Variants in TCF25 observed in about 807,000 individuals in gnomAD.
TCF25 encodes ribosome quality control complex subunit TCF25.
Under a neutral mutation model 83.1 loss-of-function variants are expected in TCF25, and 41 were observed. The observed-to-expected ratio is 0.49, with a 90% confidence interval of 0.38 to 0.64. The LOEUF (loss-of-function observed/expected upper bound fraction) is 0.64, where lower values mean the gene tolerates loss of function less well. Ranked by LOEUF, TCF25 falls within the 30% of genes least tolerant of loss-of-function variation. TCF25 has a pLI of 0.00. For missense variants in TCF25, 979 were observed against 914.5 expected (o/e 1.07, Z -0.91); for synonymous variants, 458 against 365.0 (o/e 1.25, Z -2.90).
chr16:89,878,362 G>A, intron 1 of TCF25: 2 of 1,117,648 alleles, frequency 1.8e-6, no homozygotes, highest in Non-Finnish European at 2.3e-6. Flanking sequence ...AAGGCGGGTG[G>A]ACCACCTGAG....
chr16:89,883,602 A>G, intron 2 of TCF25, 90 bp downstream of exon 2: 1 of 1,428,058 alleles, frequency 7.0e-7, no homozygotes, highest in Non-Finnish European at 9.3e-7. Context: ...TTTTCCTTGG[A>G]GGTGTAATTT....
chr16:89,905,180 G>A, intron 14 of TCF25, 84 bp downstream of exon 14: 1 of 1,457,188 alleles, frequency 6.9e-7, no homozygotes, highest in East Asian at 2.5e-5. Flanking sequence ...CATTCGGGAG[G>A]CGAGAAGGGC....
chr16:89,892,175 G>A lies in TCF25; in HGVS notation c.615-18G>A, dbSNP rs778618083. ...CGCCACAGGAAGTAAAGCTGTACCTGTGTCCCGTTCTCCCCAGGCCACGGC... is the reference window on the plus strand; with the variant it reads ...CGCCACAGGAAGTAAAGCTGTACCTATGTCCCGTTCTCCCCAGGCCACGGC... On this transcript the variant is annotated intron_variant, in intron 5 of 17. Coordinates refer to ENST00000263346, the MANE Select transcript of TCF25 (RefSeq NM_014972.3). The A allele has an allele frequency of 9.4e-6, 15 of 1,594,476 alleles. No homozygotes were observed. The highest frequency in any genetic ancestry group is 1.2e-5 in the Non-Finnish European group (14 of 1,170,606).
intron 9 of TCF25, 120 bp downstream of exon 9, chr16:89,896,203 C>A: frequency 1.3e-6 from 1 of 763,140 alleles, no homozygotes; most frequent in Non-Finnish European, 2.1e-6. Flanking sequence ...GCCCACAGGT[C>A]CAGAGTGACC....
chr16:89,903,699 C>A (rs751464299), intron 12 of TCF25, among the ~76,000 whole-genome samples: 2 of 151,072 alleles, frequency 1.3e-5, no homozygotes, highest in Non-Finnish European at 3.0e-5. Flanking sequence ...CCCAGCTACT[C>A]GGGAGGCTGA....
At chr16:89,890,013 G>C (rs2043305899) in intron 5 of TCF25, 1 of 152,256 alleles carries the variant, frequency 6.6e-6, no homozygotes, top group Admixed American at 6.5e-5. Flanking sequence ...GGGATTACAG[G>C]CGAGTGCCAC....
chr16:89,894,874 A>C, intron 7 of TCF25, 164 bp from the exon 8 acceptor site: 1 of 534,472 alleles, frequency 1.9e-6, no homozygotes, highest in Non-Finnish European at 3.3e-6. Flanking sequence ...TGAACTCCTG[A>C]TATCAAGTGA....
intron 1 of TCF25, among the ~76,000 whole-genome samples, chr16:89,879,160 T>G (rs533298739): frequency 1.3e-5 from 2 of 150,644 alleles, no homozygotes; most frequent in South Asian, 2.1e-4. Flanking sequence ...GTGCTGTTCG[T>G]GTACACAGAC....
At chr16:89,888,762 C>G (rs1457584015) in intron 5 of TCF25, among the ~76,000 whole-genome samples, 2 of 150,504 alleles carry the variant, frequency 1.3e-5, no homozygotes, top group Admixed American at 6.6e-5. Context: ...CTGCAACCTC[C>G]GCCTCCTGGG....
intron 1 of TCF25, among the ~76,000 whole-genome samples, chr16:89,876,867 T>C (rs2042229631): frequency 6.8e-6 from 1 of 147,702 alleles, no homozygotes; most frequent in Non-Finnish European, 1.5e-5. Context: ...AGGCGGAGCT[T>C]GCAGTGAGCT....
intron 12 of TCF25, 176 bp downstream of exon 12, chr16:89,900,970 C>T (rs546398588): frequency 1.5e-5 from 11 of 714,144 alleles, no homozygotes; most frequent in South Asian, 9.8e-5. Flanking sequence ...CGGCTCATCT[C>T]GGAACCCGCT....
chr16:89,906,999 G>T (rs947561493), intron 15 of TCF25, among the ~76,000 whole-genome samples: 10 of 152,102 alleles, frequency 6.6e-5, no homozygotes, highest in African/African-American at 2.4e-4. Context: ...ACACTCTGGT[G>T]TGCAGGGCAG....
At chr16:89,904,443 G>C in intron 13 of TCF25, 1 of 579,324 alleles carries the variant, frequency 1.7e-6, no homozygotes, top group East Asian at 2.9e-5. Context: ...CATATAAAGA[G>C]GGTGCCAGGC....
Position 89,906,186 on chromosome 16 carries a change from G to A in TCF25, c.1629-8G>A, listed in dbSNP as rs778079087. 11 of 1,612,480 alleles carry A rather than the reference G, an allele frequency of 6.8e-6. No individual in the cohort carries two copies. Among genetic ancestry groups the A allele is most frequent in the South Asian group, 1.1e-5 (1 of 90,962 alleles). On this transcript the variant is annotated splice_region_variant and splice_polypyrimidine_tract_variant and intron_variant, in intron 14 of 17. Coordinates refer to ENST00000263346, the MANE Select transcript of TCF25 (RefSeq NM_014972.3). ...TATCTGCTGTGCCTTGTTTCTCCCC[G>A]GCCCTAGGCGGAAGGTGCTCTACCA...
At position 89,910,749 on chromosome 16, in the gene TCF25, C is replaced by T; in HGVS notation, c.1872+86C>T. 2.1e-6 allele frequency: 3 copies of T among 1,444,588 alleles called. No homozygotes were observed. The Admixed American group carries it at 5.1e-5, about 25-fold the overall frequency. 89.5% of individuals were successfully genotyped at this position (1,444,588 alleles called of 1,614,324 possible). ...GCGAATGCCTGGAGCCTCCTTGAAC[C>T]AGGACTGTGCCAGCCGGCACAGGGA... On this transcript the variant is annotated intron_variant, in intron 17 of 17. Transcript: ENST00000263346.
At chr16:89,881,282 G>A (rs1419541534) in intron 1 of TCF25, among the ~76,000 whole-genome samples, 1 of 152,082 alleles carries the variant, frequency 6.6e-6, no homozygotes, top group African/African-American at 2.4e-5. Flanking sequence ...ACTATCTCAG[G>A]GCTATGGGGC....
In TCF25 at chr16:89,873,879, G is replaced by T. The variant is rs759630909; in HGVS notation, c.192+20G>T. 12 of 1,508,330 alleles carry T rather than the reference G, an allele frequency of 8.0e-6. No homozygotes were observed. In the South Asian group the frequency reaches 1.5e-4, roughly 19 times the overall value. 93.4% of individuals were successfully genotyped at this position (1,508,330 alleles called of 1,614,324 possible). On this transcript the variant is annotated intron_variant, in intron 1 of 17. Transcript: ENST00000263346. ...GAGCTGGTGAGGAGCGCGGCGGCCC[G>T]GGTGGGGGTGGGGTGGCCCTTGACG...
In TCF25 at chr16:89,878,680, G is replaced by A. The variant is rs891339075; in HGVS notation, c.193-4671G>A. 28 of 1,054,570 alleles carry A rather than the reference G, an allele frequency of 2.7e-5. 1 individual carries two copies. Among genetic ancestry groups the A allele is most frequent in the South Asian group, 5.3e-5 (2 of 37,938 alleles). 65.3% of individuals were successfully genotyped at this position (1,054,570 alleles called of 1,614,324 possible). ...TTTTGAGACGGAGTCTTGCGCTGTC[G>A]CCCAGGCTGGAGTGCAGTGGCACCA... On this transcript the variant is annotated intron_variant, in intron 1 of 17. Coordinates refer to ENST00000263346, the MANE Select transcript of TCF25 (RefSeq NM_014972.3).
At chr16:89,886,802 TGGTGGGTGCCTGTAATCCCA>T (rs1454320589) in intron 4 of TCF25, among the ~76,000 whole-genome samples, 1 of 149,158 alleles carries the variant, frequency 6.7e-6, no homozygotes, top group Non-Finnish European at 1.5e-5. Context: ...CTGGATGTGG[TGGTGGGTGCCTGTAATCCCA>T]GCCACTCAGG....
Sources: gnomAD v4.1 joint callset for allele counts (sites outside exome capture counted in the v4.1 genomes callset) on GRCh38, gnomAD v4.1.1 for gene constraint, MANE v1.5 for transcripts, NCBI Gene and HGNC (gene_info 2026-07-23, HGNC 2026-07-21) for gene names.